The following GRM7 variants were observed in gnomAD, a reference collection of about 807,000 sequenced individuals.
GRM7 encodes the protein glutamate metabotropic receptor 7.
Under a neutral mutation model 84.5 loss-of-function variants are expected in GRM7, and 35 were observed. The observed-to-expected ratio is 0.41, with a 90% CI of 0.32 to 0.55. The LOEUF is 0.55. Among genes scored for constraint, GRM7 ranks in the 20% least tolerant of loss-of-function variants. The pLI is 0.19. For synonymous variants in GRM7, 487 were observed against 455.1 expected (o/e 1.07, Z -0.89); for missense variants, 1,003 against 1,194.6 (o/e 0.84, Z 2.36).
At chr3:7,057,421 C>G (rs953267365) in intron 1 of GRM7, among the ~76,000 whole-genome samples, 1 of 151,842 alleles carries the variant, frequency 6.6e-6, no homozygotes, top group Non-Finnish European at 1.5e-5. Flanking sequence ...TGAGACGTTT[C>G]AATTTTCATC....
intron 2 of GRM7, among the ~76,000 whole-genome samples, chr3:7,156,834 T>C (rs1440548138): frequency 6.6e-6 from 1 of 152,176 alleles, no homozygotes; most frequent in Non-Finnish European, 1.5e-5. Context: ...TTTTTCATTG[T>C]TGTTTTCACT....
chr3:7,156,124 A>G (rs1694440719), intron 2 of GRM7, among the ~76,000 whole-genome samples: 1 of 152,184 alleles, frequency 6.6e-6, no homozygotes, highest in South Asian at 2.1e-4. Context: ...GGTTGTGAGA[A>G]GACAGAAGAG....
At chr3:7,386,934 T>C (rs1694808476) in intron 4 of GRM7, among the ~76,000 whole-genome samples, 1 of 152,204 alleles carries the variant, frequency 6.6e-6, no homozygotes, top group Non-Finnish European at 1.5e-5. Flanking sequence ...ACATCTGTTA[T>C]GTTTTGATTT....
chr3:7,447,864 G>C (rs912917474), intron 5 of GRM7, among the ~76,000 whole-genome samples: 47 of 150,454 alleles, frequency 3.1e-4, no homozygotes, highest in Admixed American at 2.7e-3. Flanking sequence ...TCATCATTTA[G>C]CATTACATAT....
intron 8 of GRM7, among the ~76,000 whole-genome samples, chr3:7,656,181 G>C (rs1699169412): frequency 6.6e-6 from 1 of 152,074 alleles, no homozygotes. Context: ...CTGTGGGTGA[G>C]TGTGTGTGGT....
intron 9 of GRM7, among the ~76,000 whole-genome samples, chr3:7,727,688 G>T (rs1287242621): frequency 6.6e-6 from 1 of 152,110 alleles, no homozygotes; most frequent in Non-Finnish European, 1.5e-5. Context: ...AACCACATAG[G>T]CTTCTGGTCT....
chr3:7,415,105 C>T lies in GRM7; in HGVS notation c.1116C>T (p.Phe372=). The change falls in exon 5 of 10, where the codon TTC becomes TTT. Residue 372 remains phenylalanine, a synonymous_variant. Transcript: ENST00000357716. ...TTGCCGAATACTGGGAGGAAAACTT[C>T]AACTGCAAGTTGACGATTAGTGGGT... The part of the protein sequence containing the change: ...VWFAEYWEEN[F]NCKLTISGSK... 6.2e-7 allele frequency: 1 copy of T among 1,612,686 alleles called. No individual in the cohort carries two copies. Among genetic ancestry groups the T allele is most frequent in the South Asian group, 1.1e-5 (1 of 91,052 alleles).
rs182588468 is a variant in GRM7 at position 7,170,509 on chromosome 3, C to A, written c.736+23841C>A. The stretch of plus-strand genomic sequence containing the variant: ...CCCCACTCTTGGGTTTGATCTGGAG[C>A]CTTCTACTTCAAGTGGTTTAATTTT... On this transcript the variant is annotated intron_variant, in intron 2 of 9. Coordinates refer to ENST00000357716, the MANE Select transcript of GRM7 (RefSeq NM_000844.4). 2.0e-5 allele frequency among the ~76,000 whole-genome samples: 3 copies of A among 152,170 alleles called. No individual in the cohort carries two copies. The East Asian group carries it at 5.8e-4, about 30-fold the overall frequency.
At chr3:7,621,073 T>A (rs1033179489) in intron 8 of GRM7, among the ~76,000 whole-genome samples, 1 of 152,128 alleles carries the variant, frequency 6.6e-6, no homozygotes, top group African/African-American at 2.4e-5. Context: ...CCACCCCACA[T>A]GAATTCATAC....
At chr3:7,493,703 C>T (rs1227830816) in intron 7 of GRM7, among the ~76,000 whole-genome samples, 3 of 151,818 alleles carry the variant, frequency 2.0e-5, no homozygotes, top group African/African-American at 7.2e-5. Flanking sequence ...GTGCTTTATT[C>T]TGCCATTTTA....
intron 4 of GRM7, among the ~76,000 whole-genome samples, chr3:7,368,981 C>T (rs1694024023): frequency 1.3e-5 from 1 of 79,190 alleles, no homozygotes; most frequent in South Asian, 6.0e-4. Flanking sequence ...TATTCAATTC[C>T]AGTCACCTTT....
In GRM7 at chr3:6,917,627, A is replaced by G. The variant is rs573132441; in HGVS notation, c.519+55720A>G. On this transcript the variant is annotated intron_variant, in intron 1 of 9. Transcript: ENST00000357716. ...ATAATTTTGTGGCTTGGGCTAAAGC[A>G]TTTCTCAAATGTCCTTGAAAGTTCC... 2.0e-5 allele frequency among the ~76,000 whole-genome samples: 3 copies of G among 152,096 alleles called. No individual in the cohort carries two copies. The South Asian group carries it at 6.2e-4, about 32-fold the overall frequency.
chr3:7,557,352 C>T (rs1693814914), intron 7 of GRM7, among the ~76,000 whole-genome samples: 1 of 152,052 alleles, frequency 6.6e-6, no homozygotes, highest in Admixed American at 6.6e-5. Context: ...CTAAATGGCA[C>T]ATGGAGATAT....
At chr3:7,008,599 T>G (rs1209477296) in intron 1 of GRM7, among the ~76,000 whole-genome samples, 1 of 152,154 alleles carries the variant, frequency 6.6e-6, no homozygotes, top group Non-Finnish European at 1.5e-5. Flanking sequence ...TAAAAGAAAA[T>G]TGGTTTGCAA....
At chr3:7,522,279 A>C (rs1273341541) in intron 7 of GRM7, among the ~76,000 whole-genome samples, 1 of 150,932 alleles carries the variant, frequency 6.6e-6, no homozygotes, top group Non-Finnish European at 1.5e-5. Flanking sequence ...AACGCAATCA[A>C]CTCGGGGTAG....
chr3:6,878,337 C>A (rs908245322), intron 1 of GRM7, among the ~76,000 whole-genome samples: 1 of 150,744 alleles, frequency 6.6e-6, no homozygotes, highest in African/African-American at 2.4e-5. Context: ...CCAAGAAATT[C>A]AAATGATTAG....
chr3:7,257,046 T>C (rs1200359231), intron 2 of GRM7, among the ~76,000 whole-genome samples: 2 of 152,186 alleles, frequency 1.3e-5, no homozygotes, highest in Non-Finnish European at 2.9e-5. Flanking sequence ...TATGGGATTT[T>C]CCCATTTCCT....
intron 3 of GRM7, among the ~76,000 whole-genome samples, chr3:7,304,694 C>G (rs1022391006): frequency 2.0e-5 from 3 of 151,878 alleles, no homozygotes; most frequent in Non-Finnish European, 4.4e-5. Flanking sequence ...CACTTTATAT[C>G]TATGCCAATT....
chr3:6,923,326 GA>G (rs34360084), intron 1 of GRM7, among the ~76,000 whole-genome samples: 94,034 of 150,860 alleles, frequency 0.62, 30,447 homozygotes, highest in African/African-American at 0.83. Flanking sequence ...ACACGAACAT[GA>G]AAAAAAAAAG....
Sources: allele counts gnomAD v4.1 joint callset (sites outside exome capture counted in the v4.1 genomes callset), GRCh38; gene constraint gnomAD v4.1.1; transcripts MANE v1.5; gene names NCBI Gene and HGNC (gene_info 2026-07-23, HGNC 2026-07-21).